Variants in ACAP2 observed in about 807,000 individuals in gnomAD.
The protein encoded by ACAP2 is arf-GAP with coiled-coil, ANK repeat and PH domain-containing protein 2.
Under a neutral mutation model 115.8 loss-of-function variants are expected in ACAP2, and 39 were observed. The ratio of observed to expected loss-of-function variants is 0.34; its 90% CI spans 0.26 to 0.44. The LOEUF (loss-of-function observed/expected upper bound fraction) is 0.44. Among genes scored for constraint, ACAP2 ranks in the 20% least tolerant of loss-of-function variants. ACAP2 has a pLI of 1.00. For synonymous variants in ACAP2, 289 were observed against 315.8 expected (o/e 0.92, Z 0.90); for missense variants, 662 against 927.6 (o/e 0.71, Z 3.72).
chr3:195,321,216 CTTTTTTT>C (rs34165362), intron 9 of ACAP2, among the ~76,000 whole-genome samples: 2 of 102,244 alleles, frequency 2.0e-5, no homozygotes, highest in African/African-American at 8.1e-5. Context: ...TTTATCACAA[CTTTTTTT>C]TTTTTTTTTT....
At chr3:195,396,363 A>G (rs1176443999) in intron 1 of ACAP2, among the ~76,000 whole-genome samples, 2 of 152,206 alleles carry the variant, frequency 1.3e-5, no homozygotes, top group Non-Finnish European at 2.9e-5. Context: ...CTCCACTCAG[A>G]TAACTGCATA....
At chr3:195,307,180 T>A (rs765867488) in intron 12 of ACAP2, 43 bp downstream of exon 12, 1 of 1,511,472 alleles carries the variant, frequency 6.6e-7, no homozygotes, top group South Asian at 1.1e-5. Context: ...AGACAAACTA[T>A]AAAAACATAA....
At chr3:195,358,986 T>C (rs951214128) in intron 4 of ACAP2, among the ~76,000 whole-genome samples, 6 of 152,146 alleles carry the variant, frequency 3.9e-5, no homozygotes, top group African/African-American at 1.4e-4. Context: ...GCAGTAAACT[T>C]TTCAATGGAA....
chr3:195,428,327 G>GGTGT (rs1198340981), intron 1 of ACAP2, among the ~76,000 whole-genome samples: 57 of 136,908 alleles, frequency 4.2e-4, no homozygotes, highest in African/African-American at 1.5e-3. Context: ...CATATATATA[G>GGTGT]GTGTGTGTGT....
At chr3:195,309,225 A>G (rs547171500) in intron 10 of ACAP2, among the ~76,000 whole-genome samples, 37 of 152,218 alleles carry the variant, frequency 2.4e-4, no homozygotes, top group Admixed American at 9.8e-4. Flanking sequence ...TAAAGTTGGC[A>G]TAAATGTATA....
At chr3:195,391,412 G>C (rs1450375750) in intron 2 of ACAP2, among the ~76,000 whole-genome samples, 1 of 151,842 alleles carries the variant, frequency 6.6e-6, no homozygotes, top group Non-Finnish European at 1.5e-5. Context: ...TTTTAGTGGA[G>C]ATGAGGTTTC....
intron 4 of ACAP2, among the ~76,000 whole-genome samples, chr3:195,376,070 A>G (rs945162233): frequency 6.6e-6 from 1 of 152,114 alleles, no homozygotes; most frequent in African/African-American, 2.4e-5. Context: ...CTGCTCTGAA[A>G]AAGTCATGTG....
chr3:195,393,590 T>C (rs951346652), intron 1 of ACAP2, among the ~76,000 whole-genome samples: 1 of 152,244 alleles, frequency 6.6e-6, no homozygotes, highest in Admixed American at 6.5e-5. Flanking sequence ...TCTCATTTGC[T>C]TCAGCAACGT....
intron 6 of ACAP2, 106 bp downstream of exon 6, chr3:195,342,365 T>C (rs540404007): frequency 1.8e-6 from 2 of 1,141,500 alleles, no homozygotes; most frequent in East Asian, 2.7e-5. Flanking sequence ...GTTTTAACTT[T>C]AAGTTCAGAG....
intron 1 of ACAP2, among the ~76,000 whole-genome samples, chr3:195,395,400 G>A (rs1474941113): frequency 6.6e-6 from 1 of 152,088 alleles, no homozygotes; most frequent in East Asian, 1.9e-4. Flanking sequence ...AGTCACAAAG[G>A]TCAGCAAACA....
At chr3:195,353,935 C>G (rs1003437301) in intron 4 of ACAP2, among the ~76,000 whole-genome samples, 1 of 152,118 alleles carries the variant, frequency 6.6e-6, no homozygotes, top group Non-Finnish European at 1.5e-5. Context: ...TATTTCATCA[C>G]CCAGGTATTA....
intron 4 of ACAP2, among the ~76,000 whole-genome samples, chr3:195,360,648 G>A (rs1454978723): frequency 1.3e-5 from 2 of 152,040 alleles, no homozygotes; most frequent in Non-Finnish European, 2.9e-5. Flanking sequence ...TACAAAGCTA[G>A]CTGGGTGTGG....
chr3:195,395,169 C>T (rs79011172), intron 1 of ACAP2, among the ~76,000 whole-genome samples: 2,276 of 151,904 alleles, frequency 0.015, 143 homozygotes, highest in African/African-American at 0.053. Flanking sequence ...CCAATTTTTA[C>T]GAAGCACATA....
intron 1 of ACAP2, among the ~76,000 whole-genome samples, chr3:195,438,424 C>G (rs888303469): frequency 2.0e-5 from 3 of 152,042 alleles, no homozygotes; most frequent in African/African-American, 7.3e-5. Flanking sequence ...TCAGCCCTTA[C>G]CCACTGTATT....
chr3:195,411,906 A>G (rs993091825), intron 1 of ACAP2, among the ~76,000 whole-genome samples: 9 of 151,880 alleles, frequency 5.9e-5, no homozygotes, highest in Non-Finnish European at 1.0e-4. Flanking sequence ...AAAAAAAAAA[A>G]ACTCACAATG....
In ACAP2 at chr3:195,342,482, A is replaced by T. The variant is rs1227625674; in HGVS notation, c.517T>A (p.Tyr173Asn). The change falls in exon 6 of 23, where the codon TAT (tyrosine) becomes AAT (asparagine). Residue 173 changes from tyrosine to asparagine, a missense_variant. Tyr to Asn is a moderately radical substitution (Grantham distance 143, BLOSUM62 -2). Coordinates refer to ENST00000326793, the MANE Select transcript of ACAP2 (RefSeq NM_012287.6). Reference sequence around the variant, plus strand: ...AAGAAACTATATACCTGAAGCACATAATCGAGGGCTATGTGTCGGAAACAT... The same window carrying T: ...AAGAAACTATATACCTGAAGCACATTATCGAGGGCTATGTGTCGGAAACAT... ...RKCFRHIALD[Y>N]VLQINVLQSK... The T allele has an allele frequency of 6.2e-7, 1 of 1,601,586 alleles. No individual in the cohort carries two copies. Among genetic ancestry groups the T allele is most frequent in the Admixed American group, 1.8e-5 (1 of 56,214 alleles).
intron 2 of ACAP2, among the ~76,000 whole-genome samples, chr3:195,384,011 A>C (rs1406197089): frequency 2.6e-5 from 4 of 152,212 alleles, no homozygotes; most frequent in Admixed American, 2.0e-4. Context: ...AGTCACTCTC[A>C]CGCATTGTTG....
chr3:195,421,184 G>C (rs1292870163), intron 1 of ACAP2, among the ~76,000 whole-genome samples: 1 of 152,054 alleles, frequency 6.6e-6, no homozygotes, highest in African/African-American at 2.4e-5. Flanking sequence ...GAATCACCTA[G>C]ACAGCATTTT....
chr3:195,310,491 G>A (rs1247360943), intron 10 of ACAP2, among the ~76,000 whole-genome samples: 7 of 152,216 alleles, frequency 4.6e-5, no homozygotes, highest in East Asian at 1.9e-4. Context: ...TGATGAAAGC[G>A]TTTGTGTAAA....
Sources: gnomAD v4.1 joint callset for allele counts (sites outside exome capture counted in the v4.1 genomes callset) on GRCh38, gnomAD v4.1.1 for gene constraint, MANE v1.5 for transcripts, NCBI Gene and HGNC (gene_info 2026-07-23, HGNC 2026-07-21) for gene names.